The following CASK variants were observed in gnomAD, a reference collection of about 807,000 sequenced individuals.
CASK encodes the protein peripheral plasma membrane protein CASK.
CASK carries 4 observed loss-of-function variants against 82.9 expected under a neutral mutation model. The ratio of observed to expected loss-of-function variants is 0.05; its 90% CI spans 0.02 to 0.11. CASK has a LOEUF of 0.11. Among genes scored for constraint, CASK ranks in the 10% least tolerant of loss-of-function variants. The pLI is 1.00. For missense variants in CASK, 358 were observed against 720.9 expected (o/e 0.50, Z 5.76); for synonymous variants, 259 against 253.5 (o/e 1.02, Z -0.20).
intron 1 of CASK, among the ~76,000 whole-genome samples, chrX:41,853,735 T>A (rs1222637895): frequency 8.9e-6 from 1 of 111,793 alleles, no homozygotes; most frequent in African/African-American, 3.3e-5. Flanking sequence ...ATGTCCCACA[T>A]CCTACCATCT....
At chrX:41,693,220 C>T (rs1224820638) in intron 5 of CASK, among the ~76,000 whole-genome samples, 1 of 111,570 alleles carries the variant, frequency 9.0e-6, no homozygotes, top group Non-Finnish European at 1.9e-5. Context: ...GGTGGTTCCT[C>T]TACAGACACC....
intron 1 of CASK, among the ~76,000 whole-genome samples, chrX:41,891,015 G>A (rs1569478094): frequency 1.9e-5 from 2 of 107,680 alleles, no homozygotes; most frequent in East Asian, 2.9e-4. Flanking sequence ...AGCCTCCCAA[G>A]TAGCTGGTAT....
At chrX:41,822,279 C>T (rs1334694235) in intron 2 of CASK, among the ~76,000 whole-genome samples, 1 of 111,335 alleles carries the variant, frequency 9.0e-6, no homozygotes, top group African/African-American at 3.3e-5. Flanking sequence ...TTCAGGTGGC[C>T]AGGCGTGGTG....
intron 1 of CASK, among the ~76,000 whole-genome samples, chrX:41,899,533 C>T (rs1461383647): frequency 1.8e-5 from 2 of 111,425 alleles, no homozygotes; most frequent in Admixed American, 9.5e-5. Flanking sequence ...TAAGAGAATG[C>T]TTTGATTCCT....
At chrX:41,682,528 G>GAA (rs2067373895) in intron 5 of CASK, among the ~76,000 whole-genome samples, 1 of 14,311 alleles carries the variant, frequency 7.0e-5, no homozygotes, top group Non-Finnish European at 1.8e-4. Flanking sequence ...GACTGTCTCA[G>GAA]GAAAAAAAAA....
intron 13 of CASK, chrX:41,587,953 T>C (rs1332282059): frequency 1.8e-5 from 2 of 111,682 alleles, no homozygotes; most frequent in Non-Finnish European, 3.8e-5. Flanking sequence ...CCACCATCCA[T>C]CCAGGAGGAC....
At chrX:41,534,337 A>C (rs954156653) in intron 24 of CASK, among the ~76,000 whole-genome samples, 2 of 109,827 alleles carry the variant, frequency 1.8e-5, no homozygotes, top group Non-Finnish European at 3.8e-5. Context: ...AATGTGTATG[A>C]CATATTGTTA....
chrX:41,633,596 C>CTTTTTT (rs201315802), intron 9 of CASK, among the ~76,000 whole-genome samples: 2 of 103,355 alleles, frequency 1.9e-5, no homozygotes, highest in African/African-American at 7.0e-5. Context: ...CTAGAGGATT[C>CTTTTTT]TTTTTTTTTA....
chrX:41,875,803 C>T (rs749747790), intron 1 of CASK, among the ~76,000 whole-genome samples: 120 of 110,989 alleles, frequency 1.1e-3, no homozygotes, highest in Admixed American at 3.1e-3. Flanking sequence ...AGTATTTAAA[C>T]AGAAAAAAGT....
chrX:41,534,649 TAGAGTTAAAAAAGTG>T, intron 24 of CASK, 42 bp downstream of exon 24: 3 of 909,922 alleles, frequency 3.3e-6, no homozygotes, highest in Non-Finnish European at 4.8e-6. Context: ...ACATAAATTA[TAGAGTTAAAAAAGTG>T]ATAGGAAAAA....
chrX:41,583,212 A>G (rs978823871), intron 14 of CASK, among the ~76,000 whole-genome samples: 1 of 112,334 alleles, frequency 8.9e-6, no homozygotes, highest in African/African-American at 3.2e-5. Context: ...CTGACTTCAG[A>G]AAAGCAAAAC....
chrX:41,779,105 G>A (rs1018094936), intron 3 of CASK, among the ~76,000 whole-genome samples: 1 of 111,932 alleles, frequency 8.9e-6, no homozygotes, highest in African/African-American at 3.2e-5. Context: ...ATTTCAGGAC[G>A]GTCCTCTACA....
chrX:41,780,225 A>G (rs2069448079), intron 3 of CASK, among the ~76,000 whole-genome samples: 1 of 112,248 alleles, frequency 8.9e-6, no homozygotes, highest in African/African-American at 3.2e-5. Flanking sequence ...AACCCAACTC[A>G]GCCTGTCTTC....
intron 2 of CASK, among the ~76,000 whole-genome samples, chrX:41,828,363 T>C (rs1426873926): frequency 3.6e-5 from 4 of 111,711 alleles, no homozygotes; most frequent in Non-Finnish European, 1.9e-5. Flanking sequence ...AGGATCATAC[T>C]AAAAAGACAA....
In CASK at chrX:41,727,539, C is replaced by T. The variant is rs757644139; in HGVS notation, c.429+11845G>A. The T allele has an allele frequency of 1.2e-5, 15 of 1,205,507 alleles. No homozygotes were observed. In the Admixed American group the frequency reaches 2.4e-4, roughly 19 times the overall value. ...TACTGGGCATAATCATTCCAGTTAC[C>T]GTATACTACTCAGTCATAGAGGCTA... On this transcript the variant is annotated intron_variant, in intron 5 of 26. Transcript: ENST00000378163.
intron 16 of CASK, among the ~76,000 whole-genome samples, chrX:41,566,079 G>A (rs956257432): frequency 1.8e-5 from 2 of 111,385 alleles, no homozygotes; most frequent in South Asian, 3.8e-4. Context: ...TTGATGGAAC[G>A]TATCTCAAAA....
intron 1 of CASK, among the ~76,000 whole-genome samples, chrX:41,881,326 T>C (rs756394708): frequency 1.8e-5 from 2 of 111,941 alleles, no homozygotes; most frequent in Admixed American, 9.5e-5. Context: ...AAGACAGCTC[T>C]ACTCAAGGTG....
intron 3 of CASK, among the ~76,000 whole-genome samples, chrX:41,780,475 C>T (rs748165027): frequency 1.9e-4 from 21 of 111,231 alleles, no homozygotes; most frequent in Non-Finnish European, 1.9e-4. Context: ...AGAGGTGGGA[C>T]CTGGGTACCT....
chrX:41,804,863 C>CAA (rs34388681), intron 2 of CASK, among the ~76,000 whole-genome samples: 42 of 108,741 alleles, frequency 3.9e-4, no homozygotes, highest in Admixed American at 8.8e-4. Context: ...TCTATAATAA[C>CAA]AAAAAAAAAT....
Sources: allele counts gnomAD v4.1 joint callset (sites outside exome capture counted in the v4.1 genomes callset), GRCh38; gene constraint gnomAD v4.1.1; transcripts MANE v1.5; gene names NCBI Gene and HGNC (gene_info 2026-07-23, HGNC 2026-07-21).